Variants in PAX1 observed in about 807,000 individuals in gnomAD.
PAX1 encodes paired box protein Pax-1.
A neutral mutation model predicts 35.6 loss-of-function variants in PAX1; 18 were observed. The ratio of observed to expected loss-of-function variants is 0.50; its 90% CI spans 0.35 to 0.75. The LOEUF is 0.75. Among genes scored for constraint, PAX1 ranks in the 30% least tolerant of loss-of-function variants. PAX1 has a pLI of 0.01. For synonymous variants in PAX1, 397 were observed against 305.2 expected (o/e 1.30, Z -3.14); for missense variants, 760 against 661.5 (o/e 1.15, Z -1.63).
chr20:21,706,013 A>T lies in PAX1; in HGVS notation c.286+15A>T, dbSNP rs1347854695. ...GCTCGCTATGGGTAAGGGGCGGGCG[A>T]CAGGCAGGGCTCGGGAGGGCTGATG... is the stretch of plus-strand genomic sequence containing the variant. On this transcript the variant is annotated intron_variant, in intron 1 of 4. Transcript: ENST00000613128. This position sits in a 1 kb window ranked among gnomAD's most constrained non-coding sequence, Gnocchi z 5.3. 4 of 1,463,262 alleles carry T rather than the reference A, an allele frequency of 2.7e-6. No homozygotes were observed. The highest frequency in any genetic ancestry group is 3.6e-6 in the Non-Finnish European group (4 of 1,116,324). 90.6% of individuals were successfully genotyped at this position (1,463,262 alleles called of 1,614,324 possible).
chr20:21,710,644 T>C (rs1324754755), intron 4 of PAX1, among the ~76,000 whole-genome samples: 4 of 149,442 alleles, frequency 2.7e-5, no homozygotes, highest in Non-Finnish European at 5.9e-5. Context: ...CAAAAAGTGC[T>C]ATTTCCAAGT....
rs1985325798 is a variant in PAX1 at position 21,715,076 on chromosome 20, C to G, written c.*514C>G. On this transcript the variant is annotated 3_prime_UTR_variant, in exon 5 of 5. Coordinates refer to ENST00000613128, the MANE Select transcript of PAX1 (RefSeq NM_001257096.2). Reference sequence around the variant, plus strand: ...CTCTGCTCCAGTCCCGCTTCTTCCCCCGTCTCCTCTTTCTAGTCCTCTATA... The same window carrying G: ...CTCTGCTCCAGTCCCGCTTCTTCCCGCGTCTCCTCTTTCTAGTCCTCTATA... The G allele has an allele frequency of 7.0e-6, 4 of 569,778 alleles. No individual in the cohort carries two copies. Among genetic ancestry groups the G allele is most frequent in the Middle Eastern group, 4.6e-4 (1 of 2,154 alleles). The allele number at this position is 569,778 out of a possible 1,614,324, so 35.3% of individuals were successfully genotyped here.
Position 21,705,770 on chromosome 20 carries a change from G to C in PAX1, c.58G>C (p.Ala20Pro). 1 of 1,262,806 alleles carries C rather than the reference G, an allele frequency of 7.9e-7. No individual in the cohort carries two copies. Among genetic ancestry groups the C allele is most frequent in the Non-Finnish European group, 1.0e-6 (1 of 1,003,364 alleles). The allele number at this position is 1,262,806 out of a possible 1,614,324, so 78.2% of individuals were successfully genotyped here. A position where few individuals can be genotyped will look rare whatever the true frequency, so the allele number is the denominator to read the frequency against. Residue 20 changes from alanine (A) to proline (P), a missense_variant, in exon 1 of 5, where the codon GCA becomes CCA. Physicochemically the swap from Ala to Pro is conservative, Grantham distance 27. Around this residue, in one of 3 missense-constraint regions of PAX1, gnomAD observed 222 missense variants for 153.0 expected, o/e 1.45. Transcript: ENST00000613128. ...RAWRVSWEGA[A>P]AAAAGPGAGG... ...GTGGAGAGTGTCCTGGGAGGGGGCAGCAGCGGCGGCGGCAGGCCCTGGAGC... is the reference window on the plus strand; with the variant it reads ...GTGGAGAGTGTCCTGGGAGGGGGCACCAGCGGCGGCGGCAGGCCCTGGAGC...
intron 2 of PAX1, 175 bp from the exon 3 acceptor site, chr20:21,708,383 C>T: frequency 1.2e-6 from 1 of 801,640 alleles, no homozygotes; most frequent in Non-Finnish European, 2.2e-6. Flanking sequence ...TTTCCTCCGC[C>T]CCACCCGGAG....
At position 21,709,205 on chromosome 20, in the gene PAX1, CCT is replaced by C; in HGVS notation, c.1060-12_1060-11del. The C allele has an allele frequency of 6.3e-7, 1 of 1,587,364 alleles. No individual in the cohort carries two copies. The highest frequency in any genetic ancestry group is 8.6e-7 in the Non-Finnish European group (1 of 1,163,782). On this transcript the variant is annotated splice_polypyrimidine_tract_variant and intron_variant, in intron 3 of 4. Transcript: ENST00000613128. The stretch of plus-strand genomic sequence containing the variant: ...GCAGGATTTTCTGCTGCTGACGGTC[CCT>C]CTCTATCCCCACAGTCGGCCTCCAC...
At chr20:21,710,657 T>C (rs1985173250) in intron 4 of PAX1, among the ~76,000 whole-genome samples, 1 of 145,530 alleles carries the variant, frequency 6.9e-6, no homozygotes, top group Admixed American at 6.9e-5. Context: ...TTCCAAGTAG[T>C]CTTGATAAGA....
intron 4 of PAX1, among the ~76,000 whole-genome samples, chr20:21,711,581 A>T (rs1207348546): frequency 1.3e-5 from 2 of 152,238 alleles, no homozygotes; most frequent in East Asian, 1.9e-4. Flanking sequence ...TCTAGTTATT[A>T]AATTAATAAT....
rs1985398959 is a variant in PAX1, at chr20:21,717,242, G to A, written c.*2680G>A. ...CCAGCAGGCTCTGACATTTCATGTGGGGTGTGGAGGGACATACCCCCTCTC... is the reference window on the plus strand; with the variant it reads ...CCAGCAGGCTCTGACATTTCATGTGAGGTGTGGAGGGACATACCCCCTCTC... On this transcript the variant is annotated 3_prime_UTR_variant, in exon 5 of 5. Coordinates refer to ENST00000613128, the MANE Select transcript of PAX1 (RefSeq NM_001257096.2). 6.6e-6 allele frequency: 1 copy of A among 152,236 alleles called. No individual in the cohort carries two copies. The highest frequency in any genetic ancestry group is 6.5e-5 in the Admixed American group (1 of 15,286). 9.4% of individuals were successfully genotyped at this position (152,236 alleles called of 1,614,324 possible).
At chr20:21,708,768 A>AAG in intron 3 of PAX1, 68 bp downstream of exon 3, 1 of 1,536,530 alleles carries the variant, frequency 6.5e-7, no homozygotes, top group South Asian at 1.1e-5. Context: ...AGTGGGGAAA[A>AAG]AGAGAGAGAA....
chr20:21,716,377 C>A lies in PAX1; in HGVS notation c.*1815C>A, dbSNP rs1985372247. ...TGCTTGGTGTGTGCACTGGTCCCACCTAGGGGACTAGTGGTAAACAGTTTT... is the reference window on the plus strand; with the variant it reads ...TGCTTGGTGTGTGCACTGGTCCCACATAGGGGACTAGTGGTAAACAGTTTT... On this transcript the variant is annotated 3_prime_UTR_variant, in exon 5 of 5. Transcript: ENST00000613128. 1 of 152,060 alleles carries A rather than the reference C, an allele frequency of 6.6e-6. No homozygotes were observed. Among genetic ancestry groups the A allele is most frequent in the Non-Finnish European group, 1.5e-5 (1 of 68,038 alleles). 9.4% of individuals were successfully genotyped at this position (152,060 alleles called of 1,614,324 possible).
chr20:21,714,418 C>A (rs377302856), intron 4 of PAX1, 53 bp from the exon 5 acceptor site: 10 of 1,359,396 alleles, frequency 7.4e-6, no homozygotes, highest in African/African-American at 1.4e-5. Flanking sequence ...CAGTGCCTCT[C>A]GCACTGCGCG....
chr20:21,711,264 C>T (rs1985192364), intron 4 of PAX1, among the ~76,000 whole-genome samples: 1 of 152,220 alleles, frequency 6.6e-6, no homozygotes. Flanking sequence ...TTCAATAGAG[C>T]CACTTTGCCC....
chr20:21,716,504 G>A lies in PAX1; in HGVS notation c.*1942G>A, dbSNP rs946663090. 2 of 130,044 alleles carry A rather than the reference G, an allele frequency of 1.5e-5. No individual in the cohort carries two copies. Among genetic ancestry groups the A allele is most frequent in the Non-Finnish European group, 3.2e-5 (2 of 62,426 alleles). 8.1% of individuals were successfully genotyped at this position (130,044 alleles called of 1,614,324 possible). On this transcript the variant is annotated 3_prime_UTR_variant, in exon 5 of 5. Coordinates refer to ENST00000613128, the MANE Select transcript of PAX1 (RefSeq NM_001257096.2). ...CTTCTTCTCAGATTCAAAGTCTCTT[G>A]TCTTTTTTTTTTTTTTTTTTTAAAG...
At chr20:21,707,686 A>C (rs1455171130) in intron 2 of PAX1, among the ~76,000 whole-genome samples, 1 of 152,132 alleles carries the variant, frequency 6.6e-6, no homozygotes, top group Non-Finnish European at 1.5e-5. Context: ...GGAGGTTTGG[A>C]ACAACTTTGA....
At chr20:21,713,314 C>T (rs1013981487) in intron 4 of PAX1, among the ~76,000 whole-genome samples, 1 of 151,998 alleles carries the variant, frequency 6.6e-6, no homozygotes, top group Non-Finnish European at 1.5e-5. Flanking sequence ...GCAGAGGGGC[C>T]GCTCTGTCCT....
intron 2 of PAX1, 159 bp from the exon 3 acceptor site, chr20:21,708,399 A>T: frequency 1.2e-6 from 1 of 854,692 alleles, no homozygotes; most frequent in East Asian, 2.4e-5. Flanking sequence ...CGGAGTGGTG[A>T]ACATTCCAGT....
chr20:21,705,812 C>A lies in PAX1; in HGVS notation c.100C>A (p.Arg34Ser). The A allele has an allele frequency of 7.7e-7, 1 of 1,293,452 alleles. No individual in the cohort carries two copies. The highest frequency in any genetic ancestry group is 1.6e-5 in the African/African-American group (1 of 64,122). 80.1% of individuals were successfully genotyped at this position (1,293,452 alleles called of 1,614,324 possible). Residue 34 changes from arginine (R) to serine (S), a missense_variant, in exon 1 of 5, where the codon CGC becomes AGC. Physicochemically the swap from Arg to Ser is moderately radical, Grantham distance 110 (BLOSUM62 -1). This residue lies in a region of PAX1 where 222 missense variants were observed against 153.0 expected (regional missense o/e 1.45). Transcript: ENST00000613128. ...CCCTGGAGCGGGCGGCAGCGCGCTCCGCTGCCGCGCACAGCGCGTCTCCAG... is the reference window on the plus strand; with the variant it reads ...CCCTGGAGCGGGCGGCAGCGCGCTCAGCTGCCGCGCACAGCGCGTCTCCAG... ...AGPGAGGSALRCRAQRVSSPR... is the reference protein window; with the variant it reads ...AGPGAGGSALSCRAQRVSSPR...
chr20:21,714,548 G>A lies in PAX1; in HGVS notation c.1360G>A (p.Ala454Thr). 1 of 1,592,722 alleles carries A rather than the reference G, an allele frequency of 6.3e-7. No individual in the cohort carries two copies. ...LSSLHGLPIPASTS is the reference protein window; with the variant it reads ...LSSLHGLPIPTSTS ...TAGCTTACACGGACTGCCCATCCCG[G>A]CCTCGACCTCCTAGGGGCAGCTCTC... Residue 454 changes from alanine (A) to threonine (T), a missense_variant, in exon 5 of 5, where the codon GCC (alanine) becomes ACC (threonine). Ala to Thr is a moderately conservative substitution (Grantham distance 58, BLOSUM62 0). This residue lies in a region of PAX1 where 490 missense variants were observed against 428.4 expected (regional missense o/e 1.14). Transcript: ENST00000613128.
At chr20:21,710,254 C>T (rs1441795090) in intron 4 of PAX1, among the ~76,000 whole-genome samples, 1 of 152,150 alleles carries the variant, frequency 6.6e-6, no homozygotes, top group Admixed American at 6.5e-5. Context: ...GGGATCTTCT[C>T]ACACAACCAG....
Sources: allele counts gnomAD v4.1 joint callset (sites outside exome capture counted in the v4.1 genomes callset), GRCh38; gene constraint gnomAD v4.1.1; regional missense constraint gnomAD v4.1.1; non-coding constraint Gnocchi (gnomAD v3.1); transcripts MANE v1.5; gene names NCBI Gene and HGNC (gene_info 2026-07-23, HGNC 2026-07-21).